The following MAD1L1 variants were observed in gnomAD, a reference collection of about 807,000 sequenced individuals.
MAD1L1 encodes mitotic arrest deficient 1 like 1.
In MAD1L1, 95 loss-of-function variants were observed where a neutral mutation model predicts 96.9. That is an observed-to-expected ratio of 0.98 (90% CI 0.83 to 1.16). MAD1L1 has a LOEUF of 1.16. Ranked by LOEUF, MAD1L1 falls within the 50% of genes most tolerant of loss-of-function variation. MAD1L1 has a pLI of 0.00. For synonymous variants in MAD1L1, 473 were observed against 396.6 expected, an observed-to-expected ratio of 1.19 and a Z score of -2.29; for missense variants, 1,007 against 954.4, an observed-to-expected ratio of 1.06 and a Z score of -0.73.
chr7:2,210,272 C>T (rs553338982), intron 10 of MAD1L1, among the ~76,000 whole-genome samples: 12 of 152,106 alleles, frequency 7.9e-5, no homozygotes, highest in South Asian at 2.1e-4. Context: ...GTCTCAACTG[C>T]GTTCCCCAGG....
chr7:2,071,386 T>A (rs769147902), intron 11 of MAD1L1, among the ~76,000 whole-genome samples: 1 of 152,232 alleles, frequency 6.6e-6, no homozygotes, highest in African/African-American at 2.4e-5. Flanking sequence ...CTGGGGCCAA[T>A]GTACTGGCGT....
chr7:2,000,270 C>T lies in MAD1L1; in HGVS notation c.1416+1795G>A, dbSNP rs533317192. Among the ~76,000 whole-genome samples, 3 of 152,306 alleles carry T rather than the reference C, an allele frequency of 2.0e-5. No individual in the cohort carries two copies. In the South Asian group the frequency reaches 6.2e-4, roughly 32 times the overall value. ...CCTTCAACGCAGCGGACTCGGACCA[C>T]GCCTCCGCACGCCATTGCAGTCCTA... On this transcript the variant is annotated intron_variant, in intron 14 of 18. Coordinates refer to ENST00000265854, the MANE Select transcript of MAD1L1 (RefSeq NM_001013836.2).
chr7:2,108,994 C>T (rs937234037), intron 11 of MAD1L1, among the ~76,000 whole-genome samples: 1 of 152,234 alleles, frequency 6.6e-6, no homozygotes, highest in African/African-American at 2.4e-5. Flanking sequence ...AGTATGGGTT[C>T]CAGACCCCCA....
chr7:1,935,901 G>A (rs1005097972), intron 17 of MAD1L1, among the ~76,000 whole-genome samples: 16 of 152,354 alleles, frequency 1.1e-4, no homozygotes, highest in African/African-American at 7.2e-5. Context: ...GCCGGGCCAC[G>A]CTCCAGGCTG....
intron 18 of MAD1L1, among the ~76,000 whole-genome samples, chr7:1,820,330 G>A (rs1782058900): frequency 6.6e-6 from 1 of 152,154 alleles, no homozygotes; most frequent in Non-Finnish European, 1.5e-5. Context: ...CAGGAAAGGA[G>A]AAAGATCTCA....
chr7:1,920,055 G>C (rs1788681231), intron 17 of MAD1L1, among the ~76,000 whole-genome samples: 3 of 152,064 alleles, frequency 2.0e-5, no homozygotes, highest in African/African-American at 7.3e-5. Context: ...GCACAGCAGG[G>C]CTGCAGCAGC....
At chr7:2,206,203 C>T (rs999079019) in intron 10 of MAD1L1, among the ~76,000 whole-genome samples, 1 of 152,188 alleles carries the variant, frequency 6.6e-6, no homozygotes, top group Non-Finnish European at 1.5e-5. Context: ...GGTAATCTTA[C>T]TAATTTGTAA....
At chr7:2,127,848 C>T (rs1449493685) in intron 11 of MAD1L1, among the ~76,000 whole-genome samples, 2 of 152,168 alleles carry the variant, frequency 1.3e-5, no homozygotes, top group African/African-American at 2.4e-5. Flanking sequence ...GGCCTCAGAA[C>T]CCCACTACCC....
intron 10 of MAD1L1, among the ~76,000 whole-genome samples, chr7:2,208,342 A>G (rs1792707589): frequency 6.6e-6 from 1 of 151,636 alleles, no homozygotes; most frequent in Non-Finnish European, 1.5e-5. Flanking sequence ...ATAGATAATT[A>G]TGTTGTCTCC....
chr7:2,043,098 T>A (rs1323934470), intron 12 of MAD1L1, among the ~76,000 whole-genome samples: 1 of 152,218 alleles, frequency 6.6e-6, no homozygotes, highest in Non-Finnish European at 1.5e-5. Context: ...TGCGAAGATA[T>A]TTCCACGCAG....
rs1013793606 is a variant in MAD1L1 at position 1,962,266 on chromosome 7, CTT to C, written c.1506-4549_1506-4548del. Among the ~76,000 whole-genome samples, 277 of 152,284 alleles carry C rather than the reference CTT, an allele frequency of 1.8e-3. 1 individual carries two copies. The highest frequency in any genetic ancestry group is 6.2e-3 in the African/African-American group (259 of 41,558). On this transcript the variant is annotated intron_variant, in intron 15 of 18. Transcript: ENST00000265854. ...CCCTTTGGCTTGGCTCTCATTCTCTCTTGTCTGCCACCATGTAAGATGTGCCT... is the reference window on the plus strand; with the variant it reads ...CCCTTTGGCTTGGCTCTCATTCTCTCGTCTGCCACCATGTAAGATGTGCCT...
chr7:2,219,126 C>T (rs1793448670), intron 6 of MAD1L1, among the ~76,000 whole-genome samples: 1 of 152,130 alleles, frequency 6.6e-6, no homozygotes, highest in Non-Finnish European at 1.5e-5. Flanking sequence ...AAGTTGCTGC[C>T]CCCATTCTGC....
At chr7:1,842,945 G>A (rs764046262) in intron 18 of MAD1L1, among the ~76,000 whole-genome samples, 1 of 152,232 alleles carries the variant, frequency 6.6e-6, no homozygotes, top group South Asian at 2.1e-4. Context: ...GGGTGAGTCC[G>A]AGGCCGGGCT....
chr7:1,940,197 A>G (rs905807643), intron 16 of MAD1L1: 4 of 152,108 alleles, frequency 2.6e-5, no homozygotes, highest in Non-Finnish European at 5.9e-5. Flanking sequence ...TTCTCCTGGG[A>G]AGGAGGAGGG....
At chr7:1,940,973 A>ACCCTCCTCTTCCTCCCCCCGCAGGCCTCC (rs1778945895) in intron 16 of MAD1L1, among the ~76,000 whole-genome samples, 1 of 147,554 alleles carries the variant, frequency 6.8e-6, no homozygotes, top group Non-Finnish European at 1.5e-5. Context: ...CGCAGGCCTC[A>ACCCTCCTCTTCCTCCCCCCGCAGGCCTCC]CCCTCCTCTT....
At chr7:2,013,142 A>G (rs1411751946) in intron 13 of MAD1L1, among the ~76,000 whole-genome samples, 1 of 152,244 alleles carries the variant, frequency 6.6e-6, no homozygotes, top group Non-Finnish European at 1.5e-5. Flanking sequence ...CACACGGCCC[A>G]GCCTGCTGTG....
rs369160876 is a variant in MAD1L1 at position 1,936,745 on chromosome 7, G to T, written c.1749C>A (p.Thr583=). The T allele has an allele frequency of 6.4e-7, 1 of 1,566,540 alleles. No homozygotes were observed. The highest frequency in any genetic ancestry group is 2.4e-5 in the East Asian group (1 of 42,240). The stretch of plus-strand genomic sequence containing the variant: ...CGGCAGCCTCAAGGTCGGCTGGGAC[G>T]GTGCCTCCTCTCTCCATGGCGCGCA... ...GLLRAMERGG[T]VPADLEAAAA... is the part of the protein sequence containing the mutation. The change falls in exon 17 of 19, where the codon ACC becomes ACA. Residue 583 remains threonine (T), a synonymous_variant. Transcript: ENST00000265854.
chr7:1,911,222 C>T (rs919747361), intron 17 of MAD1L1, among the ~76,000 whole-genome samples: 3 of 152,132 alleles, frequency 2.0e-5, no homozygotes, highest in Admixed American at 1.3e-4. Context: ...CAGGTTTCAA[C>T]GCTCTGTCCT....
Position 1,893,457 on chromosome 7 carries a change from A to G in MAD1L1, c.1998+4743T>C, listed in dbSNP as rs553760025. Among the ~76,000 whole-genome samples the G allele has an allele frequency of 2.6e-5, 4 of 152,358 alleles. No homozygotes were observed. In the East Asian group the frequency reaches 7.7e-4, roughly 29 times the overall value. The stretch of plus-strand genomic sequence containing the variant: ...CATTTGGGGGAAAATCTGATAAAAT[A>G]AATGACATGGCCAGGAGGCTGGGGT... On this transcript the variant is annotated intron_variant, in intron 18 of 18. Coordinates refer to ENST00000265854, the MANE Select transcript of MAD1L1 (RefSeq NM_001013836.2).
Sources: gnomAD v4.1 joint callset for allele counts (sites outside exome capture counted in the v4.1 genomes callset) on GRCh38, gnomAD v4.1.1 for gene constraint, MANE v1.5 for transcripts, NCBI Gene and HGNC (gene_info 2026-07-23, HGNC 2026-07-21) for gene names.